Variants in PPP6C observed in about 807,000 individuals in gnomAD.
The protein encoded by PPP6C is serine/threonine-protein phosphatase 6 catalytic subunit.
Under a neutral mutation model 39.8 loss-of-function variants are expected in PPP6C, and 11 were observed. That is an observed-to-expected ratio of 0.28 (90% CI 0.17 to 0.46). The LOEUF (loss-of-function observed/expected upper bound fraction) is 0.46, where lower values mean the gene tolerates loss of function less well. PPP6C is among the 20% of genes least tolerant of loss of function. PPP6C has a pLI of 1.00. For missense variants in PPP6C, 211 were observed against 373.9 expected (o/e 0.56, Z 3.59); for synonymous variants, 129 against 130.3 (o/e 0.99, Z 0.07).
At position 125,173,482 on chromosome 9, in the gene PPP6C, G is replaced by T. The variant is rs370147648; in HGVS notation, c.76-2302C>A. ...AATCCCAGCTACTCGGGAGGATGAG[G>T]CAAGAGAATCGCTTGAACCCAGGAG... On this transcript the variant is annotated intron_variant, in intron 1 of 6. Coordinates refer to ENST00000373547, the MANE Select transcript of PPP6C (RefSeq NM_002721.5). 8.0e-5 allele frequency among the ~76,000 whole-genome samples: 12 copies of T among 150,826 alleles called. No homozygotes were observed. The East Asian group carries it at 2.4e-3, about 30-fold the overall frequency.
Position 125,189,483 on chromosome 9 carries a change from G to A in PPP6C, c.75+161C>T, listed in dbSNP as rs1214823536. 1.4e-5 allele frequency: 20 copies of A among 1,448,016 alleles called. No individual in the cohort carries two copies. In the East Asian group the frequency reaches 2.6e-4, roughly 19 times the overall value. The allele number at this position is 1,448,016 out of a possible 1,614,324, so 89.7% of individuals were successfully genotyped here. Reference sequence around the variant, plus strand: ...GACAGCATTCGACGACTCGGCTCGCGAGACCCTCGGCGTGACGCCGGGTAG... The same window carrying A: ...GACAGCATTCGACGACTCGGCTCGCAAGACCCTCGGCGTGACGCCGGGTAG... On this transcript the variant is annotated intron_variant, in intron 1 of 6. Coordinates refer to ENST00000373547, the MANE Select transcript of PPP6C (RefSeq NM_002721.5).
chr9:125,189,421 C>A lies in PPP6C; in HGVS notation c.75+223G>T. ...AGAAGGGGCGACCCTGGGACAGAGG[C>A]CGCGACATCCCTCGGGATCCCCACT... On this transcript the variant is annotated intron_variant, in intron 1 of 6. Coordinates refer to ENST00000373547, the MANE Select transcript of PPP6C (RefSeq NM_002721.5). The A allele has an allele frequency of 7.0e-6, 9 of 1,278,886 alleles. No homozygotes were observed. The South Asian group carries it at 9.5e-5, about 14-fold the overall frequency. 79.2% of individuals were successfully genotyped at this position (1,278,886 alleles called of 1,614,324 possible).
chr9:125,163,709 G>A (rs1373922832), intron 2 of PPP6C, among the ~76,000 whole-genome samples: 4 of 151,998 alleles, frequency 2.6e-5, no homozygotes, highest in Admixed American at 2.0e-4. Context: ...GATTACAGGC[G>A]TGAGCCACTA....
Position 125,187,617 on chromosome 9 carries a change from A to C in PPP6C, c.75+2027T>G, listed in dbSNP as rs1402740755. On this transcript the variant is annotated intron_variant, in intron 1 of 6. Coordinates refer to ENST00000373547, the MANE Select transcript of PPP6C (RefSeq NM_002721.5). ...GCAACATTTTATTCATCATAAACACAAAGTTCAAAAAAGCTTTATGCATGA... is the reference window on the plus strand; with the variant it reads ...GCAACATTTTATTCATCATAAACACCAAGTTCAAAAAAGCTTTATGCATGA... Among the ~76,000 whole-genome samples, 2 of 151,986 alleles carry C rather than the reference A, an allele frequency of 1.3e-5. 1 individual carries two copies. Among genetic ancestry groups the C allele is most frequent in the African/African-American group, 4.8e-5 (2 of 41,262 alleles).
chr9:125,188,160 C>A (rs766587114), intron 1 of PPP6C, among the ~76,000 whole-genome samples: 1 of 151,992 alleles, frequency 6.6e-6, no homozygotes, highest in Non-Finnish European at 1.5e-5. Context: ...CCGAGGCGGG[C>A]GGATCACGAG....
intron 2 of PPP6C, among the ~76,000 whole-genome samples, chr9:125,170,070 T>C (rs1377724209): frequency 2.0e-5 from 3 of 152,154 alleles, no homozygotes; most frequent in African/African-American, 7.2e-5. Flanking sequence ...TTGTTTGCAA[T>C]GTATTATTAA....
rs1236587988 is a variant in PPP6C at position 125,189,773 on chromosome 9, C to CGGCAGCGGCGGA, written c.-67_-56dup. 9.8e-6 allele frequency: 15 copies of CGGCAGCGGCGGA among 1,535,754 alleles called. No homozygotes were observed. The highest frequency in any genetic ancestry group is 1.2e-5 in the Non-Finnish European group (14 of 1,141,940). On this transcript the variant is annotated 5_prime_UTR_variant, in exon 1 of 7. Transcript: ENST00000373547. ...GCGGCGGCGGCTGTAGCAGCGGCGG[C>CGGCAGCGGCGGA]GGCAGCGGCGGAGGCCGAAGCCGGA...
At chr9:125,184,222 C>G (rs974912170) in intron 1 of PPP6C, among the ~76,000 whole-genome samples, 2 of 151,946 alleles carry the variant, frequency 1.3e-5, no homozygotes, top group African/African-American at 4.8e-5. Flanking sequence ...CCCATCTTTA[C>G]CAAAAATACC....
intron 2 of PPP6C, among the ~76,000 whole-genome samples, chr9:125,167,563 C>T (rs577703216): frequency 2.6e-5 from 4 of 151,428 alleles, no homozygotes; most frequent in South Asian, 2.1e-4. Flanking sequence ...GTTAGTCAGG[C>T]GTGGTGGCAC....
chr9:125,167,395 A>T (rs1278423610), intron 2 of PPP6C, among the ~76,000 whole-genome samples: 2 of 146,634 alleles, frequency 1.4e-5, no homozygotes, highest in Non-Finnish European at 3.0e-5. Context: ...AAAAAAAAAA[A>T]AAAAGAAATA....
chr9:125,165,921 T>A (rs1829003235), intron 2 of PPP6C, among the ~76,000 whole-genome samples: 1 of 149,212 alleles, frequency 6.7e-6, no homozygotes, highest in African/African-American at 2.5e-5. Context: ...CTCAGCCACC[T>A]AAGTAGCCGA....
chr9:125,165,548 AT>A (rs1828993393), intron 2 of PPP6C, among the ~76,000 whole-genome samples: 1 of 152,114 alleles, frequency 6.6e-6, no homozygotes, highest in South Asian at 2.1e-4. Flanking sequence ...GTCTGGCTAA[AT>A]AGAACATGGC....
chr9:125,150,770 T>G lies in PPP6C; in HGVS notation c.670-849A>C, dbSNP rs1007847464. ...AGAAATTCAGCAACTAGGAGACCTG[T>G]GTGGAAATTGGCAAAAGTGTACGTG... On this transcript the variant is annotated intron_variant, in intron 6 of 6. Coordinates refer to ENST00000373547, the MANE Select transcript of PPP6C (RefSeq NM_002721.5). 1.3e-4 allele frequency: 95 copies of G among 717,638 alleles called. No individual in the cohort carries two copies. In the African/African-American group the frequency reaches 1.6e-3, roughly 12 times the overall value. The allele number at this position is 717,638 out of a possible 1,614,324, so 44.5% of individuals were successfully genotyped here.
chr9:125,176,914 A>G (rs929062952), intron 1 of PPP6C, among the ~76,000 whole-genome samples: 2 of 152,172 alleles, frequency 1.3e-5, no homozygotes, highest in Non-Finnish European at 2.9e-5. Context: ...AGAATCAAGG[A>G]TGACGCGGGA....
At position 125,165,475 on chromosome 9, in the gene PPP6C, C is replaced by T. The variant is rs1828991534; in HGVS notation, c.172-4569G>A. Among the ~76,000 whole-genome samples, 2 of 151,842 alleles carry T rather than the reference C, an allele frequency of 1.3e-5. 1 individual carries two copies. Among genetic ancestry groups the T allele is most frequent in the African/African-American group, 4.8e-5 (2 of 41,358 alleles). On this transcript the variant is annotated intron_variant, in intron 2 of 6. Transcript: ENST00000373547. ...TAATGAAAAATTAACTTTTCCAAAA[C>T]AAAAAAATTGTTTAGTGAGAGGAGA...
chr9:125,177,141 G>C (rs929814482), intron 1 of PPP6C, among the ~76,000 whole-genome samples: 2 of 151,572 alleles, frequency 1.3e-5, no homozygotes, highest in Admixed American at 1.3e-4. Flanking sequence ...TTGGGGGGTC[G>C]AGGCAGGCGG....
At chr9:125,175,563 A>AACCCGGGAGGCGGAGCTTGC (rs912385178) in intron 1 of PPP6C, among the ~76,000 whole-genome samples, 4 of 151,512 alleles carry the variant, frequency 2.6e-5, no homozygotes, top group African/African-American at 9.7e-5. Flanking sequence ...GAATGGCATG[A>AACCCGGGAGGCGGAGCTTGC]ACCCGGGAGG....
At chr9:125,173,083 C>G (rs1345895677) in intron 1 of PPP6C, among the ~76,000 whole-genome samples, 2 of 152,002 alleles carry the variant, frequency 1.3e-5, no homozygotes, top group African/African-American at 4.8e-5. Context: ...TCAAGACCAG[C>G]CTGACCAACA....
chr9:125,188,552 G>C (rs900320048), intron 1 of PPP6C, among the ~76,000 whole-genome samples: 6 of 152,084 alleles, frequency 3.9e-5, no homozygotes, highest in Non-Finnish European at 5.9e-5. Flanking sequence ...TTGGTAGGCC[G>C]AAGCGGGCGG....
Sources: allele counts gnomAD v4.1 joint callset (sites outside exome capture counted in the v4.1 genomes callset), GRCh38; gene constraint gnomAD v4.1.1; transcripts MANE v1.5; gene names NCBI Gene and HGNC (gene_info 2026-07-23, HGNC 2026-07-21).